The following CHRNA7 variants were observed in gnomAD, a reference collection of about 807,000 sequenced individuals.
CHRNA7 encodes neuronal acetylcholine receptor subunit alpha-7.
In CHRNA7, 17 loss-of-function variants were observed where a neutral mutation model predicts 48.0. The ratio of observed to expected loss-of-function variants is 0.35; its 90% confidence interval spans 0.24 to 0.53. The LOEUF is 0.53. CHRNA7 is among the 20% of genes least tolerant of loss of function. The probability of loss-of-function intolerance (pLI) is 0.92; values close to 1 mark genes in which losing one functional copy is unlikely to be tolerated. For missense variants in CHRNA7, 155 were observed against 577.7 expected, an observed-to-expected ratio of 0.27 and a Z score of 7.50; for synonymous variants, 75 against 242.3, an observed-to-expected ratio of 0.31 and a Z score of 6.41.
rs1404782513 is a variant in CHRNA7 at position 32,052,928 on chromosome 15, G to A, written c.195+21891G>A. On this transcript the variant is annotated intron_variant, in intron 2 of 9. Coordinates refer to ENST00000306901, the MANE Select transcript of CHRNA7 (RefSeq NM_000746.6). ...AAATGTTTGAGGTGGTAGATACCCC[G>A]ATGATACTGATTTCATCATTACACA... Among the ~76,000 whole-genome samples the A allele has an allele frequency of 6.6e-5, 10 of 152,204 alleles. No individual in the cohort carries two copies. The East Asian group carries it at 9.6e-4, about 15-fold the overall frequency.
chr15:32,071,216 GC>G (rs1008100624), intron 2 of CHRNA7, among the ~76,000 whole-genome samples: 2 of 151,998 alleles, frequency 1.3e-5, no homozygotes, highest in African/African-American at 4.8e-5. Flanking sequence ...TGGGATGATT[GC>G]TTATATTCCT....
At chr15:32,078,878 T>G (rs2050174187) in intron 2 of CHRNA7, among the ~76,000 whole-genome samples, 1 of 152,144 alleles carries the variant, frequency 6.6e-6, no homozygotes, top group African/African-American at 2.4e-5. Context: ...ATATCCCTGA[T>G]GAACTTCGAT....
At chr15:32,037,729 G>A (rs908827901) in intron 2 of CHRNA7, among the ~76,000 whole-genome samples, 7 of 152,112 alleles carry the variant, frequency 4.6e-5, no homozygotes, top group Middle Eastern at 3.4e-3. Context: ...ATATAGGAAA[G>A]CGATTTACTT....
intron 2 of CHRNA7, among the ~76,000 whole-genome samples, chr15:32,031,996 A>G (rs1901865293): frequency 6.6e-6 from 1 of 152,136 alleles, no homozygotes; most frequent in Admixed American, 6.5e-5. Flanking sequence ...TTAAAAAAGA[A>G]ATAGTGCTAA....
At chr15:32,065,968 C>T (rs1409733236) in intron 2 of CHRNA7, among the ~76,000 whole-genome samples, 1 of 128,788 alleles carries the variant, frequency 7.8e-6, no homozygotes, top group Non-Finnish European at 1.6e-5. Flanking sequence ...GAAGGTGTGC[C>T]CCGGCACACA....
At chr15:32,127,972 T>G (rs191878140) in intron 4 of CHRNA7, among the ~76,000 whole-genome samples, 1 of 152,182 alleles carries the variant, frequency 6.6e-6, no homozygotes, top group Non-Finnish European at 1.5e-5. Flanking sequence ...GTTCTTTAAG[T>G]TGATGTCAAT....
At chr15:32,043,596 C>T (rs937564968) in intron 2 of CHRNA7, among the ~76,000 whole-genome samples, 8 of 152,074 alleles carry the variant, frequency 5.3e-5, no homozygotes, top group African/African-American at 1.4e-4. Context: ...TAGTGAAAGT[C>T]GTCAACCTTT....
At chr15:32,085,651 C>T (rs2050283833) in intron 2 of CHRNA7, among the ~76,000 whole-genome samples, 1 of 152,202 alleles carries the variant, frequency 6.6e-6, no homozygotes, top group African/African-American at 2.4e-5. Context: ...ATGCTGACTC[C>T]AATTTTTGTA....
intron 4 of CHRNA7, among the ~76,000 whole-genome samples, chr15:32,121,424 A>G (rs1189200171): frequency 6.6e-6 from 1 of 152,160 alleles, no homozygotes; most frequent in East Asian, 1.9e-4. Flanking sequence ...CAATTGAGGA[A>G]ATGGTTCCTG....
At chr15:32,126,487 C>T (rs890527876) in intron 4 of CHRNA7, among the ~76,000 whole-genome samples, 3 of 152,184 alleles carry the variant, frequency 2.0e-5, no homozygotes, top group African/African-American at 7.2e-5. Flanking sequence ...CTTCGTATTT[C>T]AAAAGAACAA....
chr15:32,137,431 A>G (rs1204737672), intron 4 of CHRNA7, among the ~76,000 whole-genome samples: 1 of 152,130 alleles, frequency 6.6e-6, no homozygotes, highest in East Asian at 1.9e-4. Context: ...GATATATAAC[A>G]AATCTTACAT....
rs181105330 is a variant in CHRNA7, at chr15:32,140,893, T to C, written c.351-13014T>C. ...GGTTGCCTGTTCACTCTGATGATGG[T>C]TTCTTTTGCTGTGCAGAAGCTCTTT... On this transcript the variant is annotated intron_variant, in intron 4 of 9. Transcript: ENST00000306901. Among the ~76,000 whole-genome samples, 457 of 152,362 alleles carry C rather than the reference T, an allele frequency of 3.0e-3. 1 individual carries two copies. The highest frequency in any genetic ancestry group is 0.01 in the African/African-American group (428 of 41,590).
chr15:32,038,056 G>GTATGTATA (rs1555372370), intron 2 of CHRNA7, among the ~76,000 whole-genome samples: 27 of 144,210 alleles, frequency 1.9e-4, no homozygotes, highest in Non-Finnish European at 1.7e-4. Flanking sequence ...TTTTGGATAT[G>GTATGTATA]TATATATATA....
At chr15:32,147,356 C>G (rs371788742) in intron 4 of CHRNA7, among the ~76,000 whole-genome samples, 2 of 152,262 alleles carry the variant, frequency 1.3e-5, no homozygotes, top group Admixed American at 1.3e-4. Flanking sequence ...ATGCGATATA[C>G]CCATGTGACA....
At chr15:32,109,490 T>A (rs186302095) in intron 3 of CHRNA7, among the ~76,000 whole-genome samples, 61 of 152,268 alleles carry the variant, frequency 4.0e-4, no homozygotes, top group Non-Finnish European at 6.6e-4. Context: ...TTTACCCAGC[T>A]CCTATTTAAG....
intron 4 of CHRNA7, among the ~76,000 whole-genome samples, chr15:32,114,654 C>T (rs1282925289): frequency 6.6e-6 from 1 of 152,210 alleles, no homozygotes; most frequent in African/African-American, 2.4e-5. Context: ...GCCCGCAGGT[C>T]CACATGAACC....
chr15:32,031,119 CG>C, intron 2 of CHRNA7, 82 bp downstream of exon 2: 1 of 1,552,066 alleles, frequency 6.4e-7, no homozygotes, highest in Non-Finnish European at 8.8e-7. Flanking sequence ...GGCGGCCAGG[CG>C]GTGGAGCTCG....
At chr15:32,030,870 C>T (rs1901792398) in intron 1 of CHRNA7, 28 bp from the exon 2 acceptor site, 7 of 1,609,848 alleles carry the variant, frequency 4.3e-6, no homozygotes, top group Non-Finnish European at 5.9e-6. Context: ...CTGCCCTGAG[C>T]CCCCTGCCCG....
intron 4 of CHRNA7, among the ~76,000 whole-genome samples, chr15:32,137,335 AC>A (rs75689039): frequency 0.43 from 59,576 of 140,168 alleles, 13,242 homozygotes; most frequent in Non-Finnish European, 0.53. Flanking sequence ...TGTTTACAAC[AC>A]CCCCCCCCCA....
Sources: gnomAD v4.1 joint callset for allele counts (sites outside exome capture counted in the v4.1 genomes callset) on GRCh38, gnomAD v4.1.1 for gene constraint, MANE v1.5 for transcripts, NCBI Gene and HGNC (gene_info 2026-07-23, HGNC 2026-07-21) for gene names.